PTPRT: variants seen among roughly 807,000 people sequenced by gnomAD.
The protein encoded by PTPRT is receptor-type tyrosine-protein phosphatase T.
PTPRT carries 56 observed loss-of-function variants against 176.8 expected under a neutral mutation model. The observed-to-expected ratio is 0.32, with a 90% confidence interval of 0.26 to 0.40. The LOEUF (loss-of-function observed/expected upper bound fraction) is 0.40, where lower values mean the gene tolerates loss of function less well. PTPRT is among the 10% of genes least tolerant of loss of function. The pLI is 1.00. For synonymous variants in PTPRT, 783 were observed against 739.0 expected, an observed-to-expected ratio of 1.06 and a Z score of -0.96; for missense variants, 1,540 against 1,908.2, an observed-to-expected ratio of 0.81 and a Z score of 3.60.
intron 8 of PTPRT, among the ~76,000 whole-genome samples, chr20:42,454,182 T>A (rs144704685): frequency 6.6e-6 from 1 of 152,202 alleles, no homozygotes; most frequent in Admixed American, 6.5e-5. Flanking sequence ...TTGATGCACA[T>A]AGTTGTATCT....
intron 16 of PTPRT, among the ~76,000 whole-genome samples, chr20:42,174,906 A>C (rs1913701030): frequency 6.6e-6 from 1 of 152,202 alleles, no homozygotes; most frequent in Admixed American, 6.5e-5. Flanking sequence ...CTGATTTATA[A>C]TTGTTAGAAG....
intron 1 of PTPRT, among the ~76,000 whole-genome samples, chr20:43,041,451 A>G (rs1986601289): frequency 6.6e-6 from 1 of 152,208 alleles, no homozygotes; most frequent in Non-Finnish European, 1.5e-5. Context: ...AACTCCATCT[A>G]CATCACAGGA....
At chr20:42,744,129 C>T (rs1018709596) in intron 6 of PTPRT, among the ~76,000 whole-genome samples, 1 of 152,202 alleles carries the variant, frequency 6.6e-6, no homozygotes, top group African/African-American at 2.4e-5. Context: ...CCAGGCCCTG[C>T]CTGACAGGAG....
chr20:43,106,939 C>T (rs754008927), intron 1 of PTPRT, among the ~76,000 whole-genome samples: 8 of 151,928 alleles, frequency 5.3e-5, no homozygotes, highest in Non-Finnish European at 1.2e-4. Context: ...TACAGGCATG[C>T]ACCACCAGGC....
chr20:42,638,688 C>A (rs1204355037), intron 7 of PTPRT, among the ~76,000 whole-genome samples: 1 of 152,078 alleles, frequency 6.6e-6, no homozygotes, highest in Non-Finnish European at 1.5e-5. Flanking sequence ...GGAATAAGCA[C>A]CGAACCAGTA....
chr20:42,955,006 G>A (rs976749029), intron 1 of PTPRT, among the ~76,000 whole-genome samples: 8 of 152,028 alleles, frequency 5.3e-5, no homozygotes, highest in Non-Finnish European at 8.8e-5. Flanking sequence ...GGAAGGGCCA[G>A]GGAGGAGAGG....
chr20:42,351,883 T>G (rs572618478), intron 10 of PTPRT, among the ~76,000 whole-genome samples: 3 of 152,372 alleles, frequency 2.0e-5, no homozygotes, highest in Admixed American at 6.5e-5. Flanking sequence ...GCCACCTAAT[T>G]AATCTAATTT....
chr20:42,659,907 C>A (rs2075193548), intron 7 of PTPRT, among the ~76,000 whole-genome samples: 1 of 152,162 alleles, frequency 6.6e-6, no homozygotes, highest in South Asian at 2.1e-4. Context: ...CACATAGAAA[C>A]CTTCTGTAGT....
chr20:42,235,378 A>C (rs965233233), intron 15 of PTPRT, among the ~76,000 whole-genome samples: 5 of 152,084 alleles, frequency 3.3e-5, no homozygotes, highest in African/African-American at 1.2e-4. Flanking sequence ...CTCCTGCCTC[A>C]GCCTCCTAAG....
Position 42,791,227 on chromosome 20 carries a change from C to T in PTPRT, c.454G>A (p.Ala152Thr), listed in dbSNP as rs1569159161. 2.5e-6 allele frequency: 4 copies of T among 1,597,998 alleles called. No individual in the cohort carries two copies. Among genetic ancestry groups the T allele is most frequent in the African/African-American group, 1.3e-5 (1 of 74,592 alleles). ...VTEGWVKAEL[A>T]ISTFWPHFYQ... ...AAATGTGGCCAGAAAGTGCTGATGG[C>T]GAGCTCTGCCTTCACCCAGCCCTCA... Residue 152 changes from alanine to threonine, a missense_variant, in exon 3 of 31, where the codon GCC becomes ACC. Ala to Thr is a moderately conservative substitution (Grantham distance 58). Around this residue, in one of 11 missense-constraint regions of PTPRT, gnomAD observed 273 missense variants for 432.1 expected, o/e 0.63. Coordinates refer to ENST00000373187, the MANE Select transcript of PTPRT (RefSeq NM_007050.6).
At chr20:42,956,796 T>C (rs948409011) in intron 1 of PTPRT, among the ~76,000 whole-genome samples, 3 of 152,090 alleles carry the variant, frequency 2.0e-5, no homozygotes, top group African/African-American at 4.8e-5. Flanking sequence ...GTCAGGACTA[T>C]GCACTGGCCA....
intron 1 of PTPRT, among the ~76,000 whole-genome samples, chr20:43,030,381 A>G (rs933614012): frequency 2.0e-5 from 3 of 152,208 alleles, no homozygotes; most frequent in African/African-American, 7.2e-5. Context: ...CCAAAAATAA[A>G]TAAGGTTGAT....
chr20:43,009,898 C>G, intron 1 of PTPRT, among the ~76,000 whole-genome samples: 1 of 152,182 alleles, frequency 6.6e-6, no homozygotes, highest in Admixed American at 6.5e-5. Flanking sequence ...GGCTGCAGAG[C>G]TGCATTTCCA....
chr20:42,820,883 T>G (rs2077880997), intron 2 of PTPRT, among the ~76,000 whole-genome samples: 1 of 152,174 alleles, frequency 6.6e-6, no homozygotes, highest in Non-Finnish European at 1.5e-5. Context: ...AAACCCTGAA[T>G]GGACCAATAA....
At chr20:42,686,942 G>A (rs182403135) in intron 6 of PTPRT, among the ~76,000 whole-genome samples, 3 of 152,232 alleles carry the variant, frequency 2.0e-5, no homozygotes, top group Admixed American at 6.5e-5. Flanking sequence ...TTATGAAAAC[G>A]AGGGAAAGTT....
At chr20:42,148,436 A>G (rs1988976583) in intron 17 of PTPRT, among the ~76,000 whole-genome samples, 1 of 152,120 alleles carries the variant, frequency 6.6e-6, no homozygotes, top group Admixed American at 6.5e-5. Flanking sequence ...ACAGGAAATG[A>G]CTTGCCCAAG....
chr20:43,032,613 C>T (rs1181289007), intron 1 of PTPRT, among the ~76,000 whole-genome samples: 1 of 152,058 alleles, frequency 6.6e-6, no homozygotes, highest in Non-Finnish European at 1.5e-5. Flanking sequence ...AAGCTAATGC[C>T]TCTGTAGTTC....
At chr20:42,619,638 T>G (rs887809098) in intron 7 of PTPRT, among the ~76,000 whole-genome samples, 2 of 135,302 alleles carry the variant, frequency 1.5e-5, no homozygotes, top group Admixed American at 7.0e-5. Context: ...CTTTGCTCAT[T>G]TCTTTTTATT....
chr20:42,938,353 C>T (rs56765173), intron 1 of PTPRT, among the ~76,000 whole-genome samples: 18 of 152,218 alleles, frequency 1.2e-4, no homozygotes, highest in African/African-American at 3.9e-4. Context: ...TGTTTTCCAC[C>T]GAAGCACCAT....
Sources: gnomAD v4.1 joint callset for allele counts (sites outside exome capture counted in the v4.1 genomes callset) on GRCh38, gnomAD v4.1.1 for gene constraint, gnomAD v4.1.1 regional missense constraint, MANE v1.5 for transcripts, NCBI Gene and HGNC (gene_info 2026-07-23, HGNC 2026-07-21) for gene names.